Variants in SCFD2 observed in about 807,000 individuals in gnomAD.
SCFD2 encodes sec1 family domain containing 2.
In SCFD2, 54 loss-of-function variants were observed where a neutral mutation model predicts 58.9. The observed-to-expected ratio is 0.92, with a 90% CI of 0.74 to 1.15. The LOEUF (loss-of-function observed/expected upper bound fraction) is 1.15, where lower values mean the gene tolerates loss of function less well. Ranked by LOEUF, SCFD2 falls within the 50% of genes most tolerant of loss-of-function variation. The pLI, the probability that SCFD2 is intolerant of heterozygous loss-of-function variation, is 0.00. For synonymous variants in SCFD2, 321 were observed against 335.9 expected (o/e 0.96, Z 0.49); for missense variants, 805 against 836.6 (o/e 0.96, Z 0.47).
chr4:52,911,219 G>T (rs1005007109), intron 6 of SCFD2, among the ~76,000 whole-genome samples: 3 of 152,216 alleles, frequency 2.0e-5, no homozygotes, highest in Non-Finnish European at 4.4e-5. Flanking sequence ...GGGGTGATAG[G>T]ATTTGTTCTC....
At chr4:53,082,087 CCATT>C (rs1331148024) in intron 5 of SCFD2, among the ~76,000 whole-genome samples, 1 of 152,094 alleles carries the variant, frequency 6.6e-6, no homozygotes, top group Non-Finnish European at 1.5e-5. Context: ...TTTTGTTAAA[CCATT>C]CATCAGTTGC....
intron 4 of SCFD2, among the ~76,000 whole-genome samples, chr4:53,225,725 C>A (rs1408860536): frequency 6.6e-6 from 1 of 152,162 alleles, no homozygotes; most frequent in Non-Finnish European, 1.5e-5. Context: ...GAAACTGTGC[C>A]TTAATGAGGT....
At chr4:53,335,345 C>T (rs1391824864) in intron 2 of SCFD2, among the ~76,000 whole-genome samples, 3 of 151,980 alleles carry the variant, frequency 2.0e-5, no homozygotes, top group Non-Finnish European at 4.4e-5. Context: ...TCCAAAATTA[C>T]TGGTCTGTAT....
rs1292256372 is a variant in SCFD2, at chr4:53,200,897, T to C, written c.1312-55315A>G. On this transcript the variant is annotated intron_variant, in intron 4 of 8. Coordinates refer to ENST00000401642, the MANE Select transcript of SCFD2 (RefSeq NM_152540.4). ...ATTTTTCACTAATTCATCAGAAATGTATAAATCCATTCTAAAAATCAAAAG... is the reference window on the plus strand; with the variant it reads ...ATTTTTCACTAATTCATCAGAAATGCATAAATCCATTCTAAAAATCAAAAG... Among the ~76,000 whole-genome samples the C allele has an allele frequency of 2.6e-5, 4 of 152,126 alleles. No individual in the cohort carries two copies. In the East Asian group the frequency reaches 7.7e-4, roughly 29 times the overall value.
At chr4:53,013,961 T>C (rs1459571524) in intron 5 of SCFD2, among the ~76,000 whole-genome samples, 1 of 152,220 alleles carries the variant, frequency 6.6e-6, no homozygotes, top group African/African-American at 2.4e-5. Flanking sequence ...TGAAGTCCCA[T>C]ACAGAGATGC....
At chr4:53,202,067 T>G (rs570269244) in intron 4 of SCFD2, among the ~76,000 whole-genome samples, 1 of 152,308 alleles carries the variant, frequency 6.6e-6, no homozygotes, top group South Asian at 2.1e-4. Flanking sequence ...CTGTTGCCAT[T>G]GCTTTTGGTG....
chr4:53,281,348 C>T (rs933137330), intron 3 of SCFD2, among the ~76,000 whole-genome samples: 1 of 152,146 alleles, frequency 6.6e-6, no homozygotes, highest in African/African-American at 2.4e-5. Flanking sequence ...GCCCTGACTC[C>T]TAGTATGTGA....
chr4:53,230,177 T>A (rs909133663), intron 4 of SCFD2, among the ~76,000 whole-genome samples: 1 of 152,050 alleles, frequency 6.6e-6, no homozygotes, highest in Non-Finnish European at 1.5e-5. Context: ...GTTGGTGGGA[T>A]TGTAAACTAG....
chr4:52,945,578 T>C (rs1720404512), intron 5 of SCFD2: 1 of 152,168 alleles, frequency 6.6e-6, no homozygotes, highest in Non-Finnish European at 1.5e-5. Context: ...AAATGAGTTG[T>C]ACTTCTGCTA....
At chr4:53,270,052 C>A (rs116412112) in intron 4 of SCFD2, among the ~76,000 whole-genome samples, 403 of 152,084 alleles carry the variant, frequency 2.6e-3, no homozygotes, top group African/African-American at 9.3e-3. Flanking sequence ...ATCCTAATTT[C>A]ACCTGTGAGC....
At chr4:53,064,827 G>T (rs1449991167) in intron 5 of SCFD2, among the ~76,000 whole-genome samples, 2 of 152,032 alleles carry the variant, frequency 1.3e-5, no homozygotes, top group African/African-American at 2.4e-5. Flanking sequence ...GAAAAAACAG[G>T]CATAAAAAGG....
At chr4:53,221,543 CATCTGTAACTT>C (rs1729047658) in intron 4 of SCFD2, among the ~76,000 whole-genome samples, 2 of 152,198 alleles carry the variant, frequency 1.3e-5, no homozygotes, top group Admixed American at 1.3e-4. Flanking sequence ...GATGCCTCCC[CATCTGTAACTT>C]CCTCTCCAAT....
chr4:53,086,726 T>C (rs1724316232), intron 5 of SCFD2, among the ~76,000 whole-genome samples: 1 of 152,206 alleles, frequency 6.6e-6, no homozygotes, highest in Non-Finnish European at 1.5e-5. Flanking sequence ...TTCTGTCATT[T>C]GCAACAACAT....
chr4:53,256,253 CAGCCG>C (rs1353257035), intron 4 of SCFD2, among the ~76,000 whole-genome samples: 4 of 121,612 alleles, frequency 3.3e-5, no homozygotes, highest in African/African-American at 9.5e-5. Context: ...TCAGACGGGG[CAGCCG>C]GGCAGAGGCG....
At chr4:53,352,074 CTTATTTT>C (rs1301190611) in intron 2 of SCFD2, among the ~76,000 whole-genome samples, 1 of 151,962 alleles carries the variant, frequency 6.6e-6, no homozygotes, top group Non-Finnish European at 1.5e-5. Flanking sequence ...TGGAGAAATT[CTTATTTT>C]TTAAACTCTG....
chr4:53,287,970 T>C (rs1482079344), intron 3 of SCFD2, among the ~76,000 whole-genome samples: 1 of 151,984 alleles, frequency 6.6e-6, no homozygotes, highest in Non-Finnish European at 1.5e-5. Flanking sequence ...CTGGGAAAGG[T>C]AGGTCATGCC....
intron 4 of SCFD2, among the ~76,000 whole-genome samples, chr4:53,192,934 A>G (rs1727956254): frequency 6.6e-6 from 1 of 152,204 alleles, no homozygotes; most frequent in Non-Finnish European, 1.5e-5. Context: ...TTATCTATAC[A>G]TGGTTAATGG....
intron 3 of SCFD2, among the ~76,000 whole-genome samples, chr4:53,308,710 AT>A (rs1233460627): frequency 6.6e-6 from 1 of 152,242 alleles, no homozygotes; most frequent in African/African-American, 2.4e-5. Context: ...ATCAAACAAA[AT>A]TTTAAAGTAT....
intron 4 of SCFD2, among the ~76,000 whole-genome samples, chr4:53,179,374 C>A (rs894298459): frequency 6.6e-6 from 1 of 152,130 alleles, no homozygotes; most frequent in African/African-American, 2.4e-5. Context: ...GAATTTTCAA[C>A]CCAGAATCTC....
Sources: gnomAD v4.1 joint callset for allele counts (sites outside exome capture counted in the v4.1 genomes callset) on GRCh38, gnomAD v4.1.1 for gene constraint, MANE v1.5 for transcripts, NCBI Gene and HGNC (gene_info 2026-07-23, HGNC 2026-07-21) for gene names.